The following SNTG1 variants were observed in gnomAD, a reference collection of about 807,000 sequenced individuals.
The protein encoded by SNTG1 is gamma-1-syntrophin.
A neutral mutation model predicts 74.7 loss-of-function variants in SNTG1; 39 were observed. That is an observed-to-expected ratio of 0.52 (90% CI 0.40 to 0.68). SNTG1 has a LOEUF of 0.68. Among genes scored for constraint, SNTG1 ranks in the 30% least tolerant of loss-of-function variants. The probability of loss-of-function intolerance (pLI) is 0.00; values close to 1 mark genes in which losing one functional copy is unlikely to be tolerated. For synonymous variants in SNTG1, 254 were observed against 217.1 expected (o/e 1.17, Z -1.49); for missense variants, 685 against 609.5 (o/e 1.12, Z -1.30).
In SNTG1 at chr8:50,763,896, CACACACACACAA is replaced by C. The variant is rs1272098534; in HGVS notation, c.1395+11787_1395+11798del. The stretch of plus-strand genomic sequence containing the variant: ...ACACACACACACACACACACACACA[CACACACACACAA>C]AAATAACCAAGGCAATTCCTATACA... On this transcript the variant is annotated intron_variant, in intron 18 of 18. Transcript: ENST00000642720. Among the ~76,000 whole-genome samples the C allele has an allele frequency of 5.6e-4, 59 of 106,152 alleles. 1 individual carries two copies. The highest frequency in any genetic ancestry group is 3.2e-3 in the African/African-American group (50 of 15,496). The allele number at this position is 106,152 out of a possible 152,430, so 69.6% of individuals were successfully genotyped here. A position where few individuals can be genotyped will look rare whatever the true frequency, so the allele number is the denominator to read the frequency against.
chr8:49,932,605 A>T (rs921732947), intron 1 of SNTG1, among the ~76,000 whole-genome samples: 7 of 151,886 alleles, frequency 4.6e-5, no homozygotes, highest in African/African-American at 9.7e-5. Flanking sequence ...TTGTTTTTTT[A>T]AAATACATTG....
At chr8:50,700,758 A>G (rs1306806600) in intron 15 of SNTG1, among the ~76,000 whole-genome samples, 4 of 152,162 alleles carry the variant, frequency 2.6e-5, no homozygotes, top group Non-Finnish European at 4.4e-5. Context: ...TAGCACTGTC[A>G]TATGCTCGTT....
chr8:50,579,151 C>A (rs1177151196), intron 12 of SNTG1, among the ~76,000 whole-genome samples: 1 of 152,094 alleles, frequency 6.6e-6, no homozygotes, highest in African/African-American at 2.4e-5. Flanking sequence ...GAAGTCCAGG[C>A]TGAGATGGTC....
At chr8:50,098,794 A>G (rs2080022632) in intron 1 of SNTG1, among the ~76,000 whole-genome samples, 1 of 152,194 alleles carries the variant, frequency 6.6e-6, no homozygotes. Flanking sequence ...ATATACAGTC[A>G]TTTATTCCTT....
intron 12 of SNTG1, among the ~76,000 whole-genome samples, chr8:50,570,077 A>C (rs1165489768): frequency 6.6e-6 from 1 of 151,810 alleles, no homozygotes; most frequent in Non-Finnish European, 1.5e-5. Flanking sequence ...TTGGAACAGT[A>C]CTCACCGGAA....
chr8:50,373,004 T>C (rs111950423), intron 2 of SNTG1, among the ~76,000 whole-genome samples: 1 of 152,182 alleles, frequency 6.6e-6, no homozygotes, highest in Non-Finnish European at 1.5e-5. Context: ...AGTATAACTA[T>C]ATTTAAACAT....
At chr8:50,646,082 C>A (rs1466665286) in intron 13 of SNTG1, among the ~76,000 whole-genome samples, 2 of 152,022 alleles carry the variant, frequency 1.3e-5, no homozygotes, top group African/African-American at 2.4e-5. Flanking sequence ...ATAAAGTGGT[C>A]CAATATGTCG....
intron 4 of SNTG1, among the ~76,000 whole-genome samples, chr8:50,419,418 A>C (rs78141174): frequency 0.021 from 3,128 of 152,256 alleles, 113 homozygotes; most frequent in African/African-American, 0.07. Flanking sequence ...GGGAACAAGG[A>C]CTTTCATCTT....
intron 8 of SNTG1, among the ~76,000 whole-genome samples, chr8:50,487,108 C>G (rs1456523783): frequency 6.6e-6 from 1 of 152,006 alleles, no homozygotes; most frequent in Non-Finnish European, 1.5e-5. Flanking sequence ...CACTGGCCAT[C>G]AGAGAAATGC....
intron 1 of SNTG1, among the ~76,000 whole-genome samples, chr8:50,103,574 C>G (rs2080238079): frequency 6.6e-6 from 1 of 152,156 alleles, no homozygotes; most frequent in Admixed American, 6.6e-5. Flanking sequence ...CCTAATTGCC[C>G]TGGCCAGAAC....
At chr8:50,519,228 G>GA (rs777742029) in intron 9 of SNTG1, among the ~76,000 whole-genome samples, 10 of 152,162 alleles carry the variant, frequency 6.6e-5, no homozygotes, top group Non-Finnish European at 1.2e-4. Flanking sequence ...AATAGATGCA[G>GA]AAAAGGCCTT....
At chr8:50,433,414 C>T (rs895909277) in intron 4 of SNTG1, among the ~76,000 whole-genome samples, 8 of 151,788 alleles carry the variant, frequency 5.3e-5, no homozygotes, top group Non-Finnish European at 7.4e-5. Flanking sequence ...TGGCCTTATT[C>T]CCAATCTTGC....
chr8:50,060,691 GC>G (rs1194835783), intron 1 of SNTG1, among the ~76,000 whole-genome samples: 2 of 151,844 alleles, frequency 1.3e-5, no homozygotes, highest in African/African-American at 4.8e-5. Flanking sequence ...AACACCTACA[GC>G]TTTTTAAAAT....
chr8:50,689,981 A>C (rs1044632022), intron 15 of SNTG1, among the ~76,000 whole-genome samples: 1 of 151,862 alleles, frequency 6.6e-6, no homozygotes, highest in Non-Finnish European at 1.5e-5. Flanking sequence ...TCTTGGGAGG[A>C]TGTATGTGTC....
chr8:50,336,678 T>C (rs1397029489), intron 2 of SNTG1, among the ~76,000 whole-genome samples: 1 of 152,208 alleles, frequency 6.6e-6, no homozygotes, highest in African/African-American at 2.4e-5. Context: ...TGTTTGTTTG[T>C]TTGAAGGCTT....
chr8:50,205,245 T>C (rs973247385), intron 2 of SNTG1, among the ~76,000 whole-genome samples: 1 of 152,186 alleles, frequency 6.6e-6, no homozygotes, highest in Non-Finnish European at 1.5e-5. Flanking sequence ...TTTCCTGACT[T>C]TTTAATGATC....
chr8:50,087,680 T>C (rs1266595619), intron 1 of SNTG1, among the ~76,000 whole-genome samples: 2 of 152,124 alleles, frequency 1.3e-5, no homozygotes, highest in Non-Finnish European at 2.9e-5. Flanking sequence ...ATGAGGATAA[T>C]AGTGTTATTA....
chr8:50,001,090 C>T (rs1441049951), intron 1 of SNTG1, among the ~76,000 whole-genome samples: 1 of 152,198 alleles, frequency 6.6e-6, no homozygotes, highest in South Asian at 2.1e-4. Flanking sequence ...CTGAGCTCAA[C>T]TGTGACTTGT....
chr8:50,619,951 A>G (rs1184689778), intron 13 of SNTG1, among the ~76,000 whole-genome samples: 1 of 150,400 alleles, frequency 6.6e-6, no homozygotes, highest in Non-Finnish European at 1.5e-5. Context: ...TTAGTTTTGC[A>G]TTGCAGCCAT....
Sources: gnomAD v4.1 joint callset for allele counts (sites outside exome capture counted in the v4.1 genomes callset) on GRCh38, gnomAD v4.1.1 for gene constraint, MANE v1.5 for transcripts, NCBI Gene and HGNC (gene_info 2026-07-23, HGNC 2026-07-21) for gene names.